The following NUP153 variants were observed in gnomAD, a reference collection of about 807,000 sequenced individuals.
The protein encoded by NUP153 is nucleoporin 153.
In NUP153, 27 loss-of-function variants were observed where a neutral mutation model predicts 134.6. The ratio of observed to expected loss-of-function variants is 0.20; its 90% CI spans 0.15 to 0.28. The LOEUF is 0.28. Among genes scored for constraint, NUP153 ranks in the 10% least tolerant of loss-of-function variants. The pLI is 1.00. For synonymous variants in NUP153, 640 were observed against 623.5 expected (o/e 1.03, Z -0.40); for missense variants, 1,821 against 1,731.3 (o/e 1.05, Z -0.92).
At position 17,644,076 on chromosome 6, in the gene NUP153, C is replaced by T. The variant is rs533382188; in HGVS notation, c.1720+1991G>A. Among the ~76,000 whole-genome samples, 6 of 152,174 alleles carry T rather than the reference C, an allele frequency of 3.9e-5. No homozygotes were observed. The South Asian group carries it at 1.2e-3, about 32-fold the overall frequency. On this transcript the variant is annotated intron_variant, in intron 14 of 21. Coordinates refer to ENST00000262077, the MANE Select transcript of NUP153 (RefSeq NM_005124.4). ...TAAAAAAAAAAGATAAGGTTGCAAA[C>T]ATACCAGTCAAATTCTTAGTTTGGG... is the stretch of plus-strand genomic sequence containing the variant.
At chr6:17,616,442 T>C (rs946819990) in intron 21 of NUP153, 85 bp downstream of exon 21, 138 of 1,196,780 alleles carry the variant, frequency 1.2e-4, no homozygotes, top group Non-Finnish European at 2.9e-5. Flanking sequence ...CCATACGGAA[T>C]CTTGATGACT....
Position 17,665,397 on chromosome 6 carries a change from A to G in NUP153, c.1069-12T>C. ...TATTGAGAATCCACCTTACAGGTAAAGAGAAATCAAAAACATTTATTTTCA... is the reference window on the plus strand; with the variant it reads ...TATTGAGAATCCACCTTACAGGTAAGGAGAAATCAAAAACATTTATTTTCA... On this transcript the variant is annotated splice_polypyrimidine_tract_variant and intron_variant, in intron 8 of 21. Coordinates refer to ENST00000262077, the MANE Select transcript of NUP153 (RefSeq NM_005124.4). 6.3e-7 allele frequency: 1 copy of G among 1,587,242 alleles called. No homozygotes were observed. Among genetic ancestry groups the G allele is most frequent in the Non-Finnish European group, 8.5e-7 (1 of 1,170,042 alleles).
At chr6:17,630,752 G>GGAGGGGA (rs200077609) in intron 17 of NUP153, among the ~76,000 whole-genome samples, 39 of 146,240 alleles carry the variant, frequency 2.7e-4, no homozygotes, top group Middle Eastern at 3.7e-3. Flanking sequence ...AGGGGAGAAG[G>GGAGGGGA]GAGGGGAGAG....
At chr6:17,679,108 T>TA (rs1194549463) in intron 2 of NUP153, among the ~76,000 whole-genome samples, 1 of 151,610 alleles carries the variant, frequency 6.6e-6, no homozygotes, top group Non-Finnish European at 1.5e-5. Context: ...CATAATAAAG[T>TA]AAAAAAACAT....
intron 17 of NUP153, among the ~76,000 whole-genome samples, chr6:17,630,538 C>T (rs1291814994): frequency 1.3e-5 from 2 of 152,008 alleles, no homozygotes; most frequent in Non-Finnish European, 2.9e-5. Flanking sequence ...TGGTCTGTGC[C>T]TGTAGTCTCA....
intron 17 of NUP153, among the ~76,000 whole-genome samples, chr6:17,631,434 G>C (rs994725713): frequency 6.6e-6 from 1 of 152,130 alleles, no homozygotes; most frequent in Non-Finnish European, 1.5e-5. Context: ...TGAAGTTTGG[G>C]CTTTTAGTAT....
At chr6:17,699,049 A>G (rs572406478) in intron 1 of NUP153, among the ~76,000 whole-genome samples, 4 of 152,346 alleles carry the variant, frequency 2.6e-5, no homozygotes, top group South Asian at 2.1e-4. Flanking sequence ...AAATATCTAT[A>G]GATAGAAAAG....
chr6:17,623,797 A>G (rs1415770703), intron 20 of NUP153, among the ~76,000 whole-genome samples: 1 of 152,216 alleles, frequency 6.6e-6, no homozygotes, highest in East Asian at 1.9e-4. Context: ...TTTATATAAA[A>G]GCAGGCAAAA....
intron 11 of NUP153, among the ~76,000 whole-genome samples, chr6:17,652,822 G>A (rs1423825603): frequency 6.6e-6 from 1 of 152,010 alleles, no homozygotes; most frequent in African/African-American, 2.4e-5. Context: ...TCAGGAGTTC[G>A]AGACCAGCCT....
At chr6:17,622,332 G>T (rs1355366601) in intron 20 of NUP153, among the ~76,000 whole-genome samples, 2 of 152,184 alleles carry the variant, frequency 1.3e-5, no homozygotes, top group Non-Finnish European at 2.9e-5. Context: ...TGTAGTGGTG[G>T]TGTCTGCCTG....
Position 17,656,758 on chromosome 6 carries a change from G to C in NUP153, c.1395+4895C>G, listed in dbSNP as rs1254012867. Among the ~76,000 whole-genome samples, 7 of 152,206 alleles carry C rather than the reference G, an allele frequency of 4.6e-5. No individual in the cohort carries two copies. The South Asian group carries it at 8.3e-4, about 18-fold the overall frequency. On this transcript the variant is annotated intron_variant, in intron 11 of 21. Transcript: ENST00000262077. The stretch of plus-strand genomic sequence containing the variant: ...AGTATGTTTATTAGGAAAGGTTTAG[G>C]GGGTAGATTCTGGGGAAGGAAAGAG...
At chr6:17,649,048 C>T (rs944065907) in intron 12 of NUP153, 115 bp downstream of exon 12, 1 of 948,914 alleles carries the variant, frequency 1.1e-6, no homozygotes, top group Non-Finnish European at 1.5e-6. Flanking sequence ...TCTCTGTTTA[C>T]TATGTTATTA....
At position 17,637,717 on chromosome 6, in the gene NUP153, G is replaced by C. The variant is rs1200520485; in HGVS notation, c.1900C>G (p.Pro634Ala). The change falls in exon 16 of 22, where the codon CCA (proline) becomes GCA (alanine). Residue 634 changes from proline to alanine, a missense_variant. Physicochemically the swap from Pro to Ala is conservative, Grantham distance 27. Coordinates refer to ENST00000262077, the MANE Select transcript of NUP153 (RefSeq NM_005124.4). Reference protein sequence around the residue: ...SVAAQPTATSPVVYTRPAISS... With the variant: ...SVAAQPTATSAVVYTRPAISS... ...ATTGCTGGTCTTGTATAAACTACTGGGCTTGTTGCGGTGGGCTGAGCAGCA... is the reference window on the plus strand; with the variant it reads ...ATTGCTGGTCTTGTATAAACTACTGCGCTTGTTGCGGTGGGCTGAGCAGCA... 6.2e-7 allele frequency: 1 copy of C among 1,607,374 alleles called. No individual in the cohort carries two copies. The highest frequency in any genetic ancestry group is 1.7e-5 in the Admixed American group (1 of 60,002).
At chr6:17,657,380 TAAAATAAA>T (rs1256878528) in intron 11 of NUP153, among the ~76,000 whole-genome samples, 10 of 131,996 alleles carry the variant, frequency 7.6e-5, no homozygotes, top group Non-Finnish European at 1.2e-4. Context: ...CCGTCTCTAC[TAAAATAAA>T]AAAATAAAAA....
Position 17,675,425 on chromosome 6 carries a change from T to A in NUP153, c.584-57A>T, listed in dbSNP as rs1768163088. ...ACACCAATACAAGAGCCTAGATTTT[T>A]ATAAATAGAAAATAAAAATTACAAC... On this transcript the variant is annotated intron_variant, in intron 3 of 21. Coordinates refer to ENST00000262077, the MANE Select transcript of NUP153 (RefSeq NM_005124.4). This position sits in a 1 kb window ranked among gnomAD's most constrained non-coding sequence, Gnocchi z 4.4. The A allele has an allele frequency of 3.8e-6, 6 of 1,570,772 alleles. No individual in the cohort carries two copies. The highest frequency in any genetic ancestry group is 5.2e-6 in the Non-Finnish European group (6 of 1,160,488).
intron 1 of NUP153, among the ~76,000 whole-genome samples, chr6:17,701,833 G>GGGGA (rs1554148669): frequency 2.0e-5 from 1 of 48,958 alleles, no homozygotes; most frequent in Non-Finnish European, 5.1e-5. Context: ...ACTCTGTCTC[G>GGGGA]GGGGGGGGGG....
intron 1 of NUP153, among the ~76,000 whole-genome samples, chr6:17,696,070 G>T (rs1769624148): frequency 6.6e-6 from 1 of 151,966 alleles, no homozygotes; most frequent in Non-Finnish European, 1.5e-5. Flanking sequence ...TGAAGTTGAT[G>T]TTCCAGTTGA....
At chr6:17,646,413 A>G (rs543715919) in intron 13 of NUP153, among the ~76,000 whole-genome samples, 7 of 152,074 alleles carry the variant, frequency 4.6e-5, no homozygotes, top group South Asian at 2.1e-4. Flanking sequence ...TCACTGTGTT[A>G]GCCAGGATGG....
At chr6:17,636,108 T>G (rs1025460325) in intron 16 of NUP153, among the ~76,000 whole-genome samples, 1 of 152,152 alleles carries the variant, frequency 6.6e-6, no homozygotes, top group African/African-American at 2.4e-5. Flanking sequence ...CCAAGGCGGA[T>G]AGATCACTTG....
Sources: allele counts gnomAD v4.1 joint callset (sites outside exome capture counted in the v4.1 genomes callset), GRCh38; gene constraint gnomAD v4.1.1; non-coding constraint Gnocchi (gnomAD v3.1); transcripts MANE v1.5; gene names NCBI Gene and HGNC (gene_info 2026-07-23, HGNC 2026-07-21).